Variants in SLC10A7 observed in about 807,000 individuals in gnomAD.
SLC10A7 encodes solute carrier family 10 member 7.
A neutral mutation model predicts 43.2 loss-of-function variants in SLC10A7; 29 were observed. The ratio of observed to expected loss-of-function variants is 0.67; its 90% CI spans 0.50 to 0.92. The LOEUF (loss-of-function observed/expected upper bound fraction) is 0.92, where lower values mean the gene tolerates loss of function less well. Ranked by LOEUF, SLC10A7 falls within the 40% of genes least tolerant of loss-of-function variation. The probability of loss-of-function intolerance (pLI) is 0.00; values close to 1 mark genes in which losing one functional copy is unlikely to be tolerated. For missense variants in SLC10A7, 295 were observed against 403.2 expected, an observed-to-expected ratio of 0.73 and a Z score of 2.30; for synonymous variants, 152 against 144.8, an observed-to-expected ratio of 1.05 and a Z score of -0.35.
intron 5 of SLC10A7, among the ~76,000 whole-genome samples, chr4:146,353,531 A>T (rs1262313637): frequency 1.7e-5 from 1 of 58,492 alleles, no homozygotes; most frequent in Non-Finnish European, 3.0e-5. Context: ...TCCCTAACTC[A>T]TTTTATGAGG....
At chr4:146,440,275 T>TTTTTC (rs34725476) in intron 5 of SLC10A7, among the ~76,000 whole-genome samples, 117,451 of 148,076 alleles carry the variant, frequency 0.79, 46,957 homozygotes, top group South Asian at 0.9. Flanking sequence ...AGGGAGGTCT[T>TTTTTC]TTTTCTTTTC....
At chr4:146,312,731 A>G (rs1732064942) in intron 6 of SLC10A7, among the ~76,000 whole-genome samples, 1 of 152,138 alleles carries the variant, frequency 6.6e-6, no homozygotes. Flanking sequence ...CAGTTCATCC[A>G]TGTTATACGC....
chr4:146,499,730 A>C (rs1345813194), intron 4 of SLC10A7, among the ~76,000 whole-genome samples: 1 of 152,218 alleles, frequency 6.6e-6, no homozygotes, highest in East Asian at 1.9e-4. Context: ...CTTGACAATC[A>C]TGAAGCTATA....
chr4:146,347,309 C>G (rs1306342576), intron 5 of SLC10A7, among the ~76,000 whole-genome samples: 1 of 152,144 alleles, frequency 6.6e-6, no homozygotes, highest in Admixed American at 6.5e-5. Context: ...AAAAGATAAC[C>G]AGTTATATCT....
At chr4:146,489,942 T>A (rs1448396418) in intron 4 of SLC10A7, among the ~76,000 whole-genome samples, 1 of 152,048 alleles carries the variant, frequency 6.6e-6, no homozygotes, top group African/African-American at 2.4e-5. Context: ...TTTTTTTTTT[T>A]ACCCTTTGAT....
At chr4:146,284,750 T>A (rs551933968) in intron 9 of SLC10A7, among the ~76,000 whole-genome samples, 1 of 152,332 alleles carries the variant, frequency 6.6e-6, no homozygotes, top group East Asian at 1.9e-4. Context: ...TCTTGTTTTT[T>A]AAACATTGCA....
chr4:146,434,775 G>T (rs1230023648), intron 5 of SLC10A7, among the ~76,000 whole-genome samples: 1 of 152,090 alleles, frequency 6.6e-6, no homozygotes, highest in Non-Finnish European at 1.5e-5. Flanking sequence ...TGTTGGTCAG[G>T]CTGGTCTCGA....
chr4:146,422,564 G>C (rs1314204345), intron 5 of SLC10A7, among the ~76,000 whole-genome samples: 1 of 152,110 alleles, frequency 6.6e-6, no homozygotes, highest in Non-Finnish European at 1.5e-5. Context: ...AGTTTAATAA[G>C]TGGACTTGCA....
intron 4 of SLC10A7, among the ~76,000 whole-genome samples, chr4:146,468,105 C>G (rs553944837): frequency 1.3e-5 from 2 of 152,316 alleles, no homozygotes; most frequent in East Asian, 3.9e-4. Flanking sequence ...TAGAGAACCT[C>G]TAACGAGTTT....
At chr4:146,305,326 C>CA (rs1209665617) in intron 7 of SLC10A7, among the ~76,000 whole-genome samples, 1 of 150,516 alleles carries the variant, frequency 6.6e-6, no homozygotes, top group Admixed American at 6.6e-5. Flanking sequence ...ATCGCAACAA[C>CA]AAAAAACCAA....
chr4:146,315,570 T>C (rs1186018088), intron 6 of SLC10A7, among the ~76,000 whole-genome samples: 1 of 152,170 alleles, frequency 6.6e-6, no homozygotes, highest in Non-Finnish European at 1.5e-5. Flanking sequence ...AGAAAATTTA[T>C]TGCAAAAAAT....
At chr4:146,391,873 C>A (rs967715795) in intron 5 of SLC10A7, among the ~76,000 whole-genome samples, 1 of 152,286 alleles carries the variant, frequency 6.6e-6, no homozygotes, top group Admixed American at 6.5e-5. Flanking sequence ...AAGGCAAAAG[C>A]CCACTGGCCC....
rs187873748 is a variant in SLC10A7, at chr4:146,452,773, C to T, written c.397-9952G>A. Among the ~76,000 whole-genome samples, 32 of 152,024 alleles carry T rather than the reference C, an allele frequency of 2.1e-4. No homozygotes were observed. The East Asian group carries it at 5.4e-3, about 26-fold the overall frequency. ...CACTACGCTCAATATTAAGAGGGCA[C>T]TTTTAATGTGATACCATTTTTATAT... On this transcript the variant is annotated intron_variant, in intron 4 of 11. Coordinates refer to ENST00000335472, the MANE Select transcript of SLC10A7 (RefSeq NM_001029998.6).
intron 5 of SLC10A7, chr4:146,442,576 A>G (rs1295604824): frequency 7.1e-7 from 1 of 1,399,066 alleles, no homozygotes; most frequent in Admixed American, 3.7e-5. Context: ...GAATTTTAAA[A>G]CCCAAACCTC....
Position 146,254,304 on chromosome 4 carries a change from T to A in SLC10A7, c.*2187A>T, listed in dbSNP as rs1422466853. ...AATATAATCTAATGTATTTCTTTCA[T>A]AAATACATTTAGACAAAACAAATGC... On this transcript the variant is annotated 3_prime_UTR_variant, in exon 12 of 12. Transcript: ENST00000335472. 6.6e-6 allele frequency: 1 copy of A among 152,176 alleles called. No individual in the cohort carries two copies. Among genetic ancestry groups the A allele is most frequent in the Non-Finnish European group, 1.5e-5 (1 of 68,020 alleles). 9.4% of individuals were successfully genotyped at this position (152,176 alleles called of 1,614,324 possible). A position where few individuals can be genotyped will look rare whatever the true frequency, so the allele number is the denominator to read the frequency against.
intron 5 of SLC10A7, among the ~76,000 whole-genome samples, chr4:146,374,896 CTAATATTGTTAAATTATCT>C (rs2149784010): frequency 6.6e-6 from 1 of 152,186 alleles, no homozygotes; most frequent in African/African-American, 2.4e-5. Flanking sequence ...CCATCTGTTT[CTAATATTGTTAAATTATCT>C]CAAAAACCCA....
intron 4 of SLC10A7, among the ~76,000 whole-genome samples, chr4:146,475,544 G>C (rs569673142): frequency 6.6e-6 from 1 of 152,070 alleles, no homozygotes; most frequent in Non-Finnish European, 1.5e-5. Flanking sequence ...AACATGCTAC[G>C]CACTGGAGAA....
rs573082115 is a variant in SLC10A7 at position 146,432,954 on chromosome 4, C to T, written c.435+9829G>A. 2.6e-5 allele frequency among the ~76,000 whole-genome samples: 4 copies of T among 151,260 alleles called. No homozygotes were observed. In the South Asian group the frequency reaches 8.4e-4, roughly 32 times the overall value. On this transcript the variant is annotated intron_variant, in intron 5 of 11. Coordinates refer to ENST00000335472, the MANE Select transcript of SLC10A7 (RefSeq NM_001029998.6). ...TCGGGAGGCTGAGGCAGGAGAATAG[C>T]GTGAACTCGGGAGGCGGAGCTTGCA...
intron 5 of SLC10A7, among the ~76,000 whole-genome samples, chr4:146,386,062 G>A (rs568928854): frequency 4.6e-5 from 7 of 152,174 alleles, no homozygotes; most frequent in African/African-American, 1.7e-4. Context: ...ATGTCTTTTT[G>A]GAAGACCAAT....
Sources: gnomAD v4.1 joint callset for allele counts (sites outside exome capture counted in the v4.1 genomes callset) on GRCh38, gnomAD v4.1.1 for gene constraint, MANE v1.5 for transcripts, NCBI Gene and HGNC (gene_info 2026-07-23, HGNC 2026-07-21) for gene names.